Variants in CNTNAP5 observed in about 807,000 individuals in gnomAD.
The protein encoded by CNTNAP5 is contactin-associated protein-like 5.
CNTNAP5 carries 72 observed loss-of-function variants against 150.2 expected under a neutral mutation model. The observed-to-expected ratio is 0.48, with a 90% confidence interval of 0.40 to 0.58. The LOEUF is 0.58. Among genes scored for constraint, CNTNAP5 ranks in the 20% least tolerant of loss-of-function variants. CNTNAP5 has a pLI of 0.00. For synonymous variants in CNTNAP5, 672 were observed against 619.8 expected, an observed-to-expected ratio of 1.08 and a Z score of -1.25; for missense variants, 1,636 against 1,626.2, an observed-to-expected ratio of 1.01 and a Z score of -0.10.
At chr2:124,342,848 A>G (rs1255941885) in intron 3 of CNTNAP5, among the ~76,000 whole-genome samples, 1 of 152,086 alleles carries the variant, frequency 6.6e-6, no homozygotes, top group East Asian at 1.9e-4. Context: ...GTAAAAAATC[A>G]TGGTTTTTCA....
At chr2:124,327,232 G>C (rs1012294457) in intron 3 of CNTNAP5, among the ~76,000 whole-genome samples, 1 of 151,708 alleles carries the variant, frequency 6.6e-6, no homozygotes, top group African/African-American at 2.4e-5. Flanking sequence ...TGCCTGCCTC[G>C]GCCTCCCAAA....
intron 10 of CNTNAP5, among the ~76,000 whole-genome samples, chr2:124,532,708 G>A (rs1170782136): frequency 6.6e-6 from 1 of 152,172 alleles, no homozygotes; most frequent in African/African-American, 2.4e-5. Context: ...TCTGAGATGT[G>A]ACACACATTA....
chr2:124,196,900 C>G (rs1023317864), intron 1 of CNTNAP5, among the ~76,000 whole-genome samples: 8 of 152,286 alleles, frequency 5.3e-5, no homozygotes, highest in Admixed American at 5.2e-4. Context: ...TTGTCTTCTG[C>G]CTGCAAGGCA....
chr2:124,606,926 AAC>A (rs1677237053), intron 11 of CNTNAP5, among the ~76,000 whole-genome samples: 1 of 152,050 alleles, frequency 6.6e-6, no homozygotes, highest in African/African-American at 2.4e-5. Flanking sequence ...CCATATTAAA[AAC>A]TCATAAAAAA....
chr2:124,345,472 GA>G (rs1689716489), intron 3 of CNTNAP5, among the ~76,000 whole-genome samples: 3 of 152,110 alleles, frequency 2.0e-5, no homozygotes, highest in Non-Finnish European at 4.4e-5. Flanking sequence ...TAGTATGGGG[GA>G]GGAATTACAC....
intron 8 of CNTNAP5, among the ~76,000 whole-genome samples, chr2:124,522,018 G>A (rs1694857290): frequency 6.6e-6 from 1 of 152,140 alleles, no homozygotes; most frequent in African/African-American, 2.4e-5. Context: ...CAGTGATCTG[G>A]CTTGAGAGAT....
intron 1 of CNTNAP5, among the ~76,000 whole-genome samples, chr2:124,084,644 G>A (rs1348154827): frequency 2.6e-5 from 4 of 151,768 alleles, no homozygotes; most frequent in African/African-American, 9.7e-5. Context: ...ATATGTGTGT[G>A]TATATATACA....
intron 13 of CNTNAP5, among the ~76,000 whole-genome samples, chr2:124,701,482 A>G (rs950170285): frequency 1.3e-5 from 2 of 152,184 alleles, no homozygotes; most frequent in Non-Finnish European, 2.9e-5. Flanking sequence ...TGCTGCTGTA[A>G]GCATGGGAGA....
In CNTNAP5 at chr2:124,474,362, A is replaced by T. The variant is rs570927875; in HGVS notation, c.919-377A>T. Among the ~76,000 whole-genome samples, 4 of 152,124 alleles carry T rather than the reference A, an allele frequency of 2.6e-5. No homozygotes were observed. The South Asian group carries it at 6.2e-4, about 24-fold the overall frequency. On this transcript the variant is annotated intron_variant, in intron 6 of 23. Coordinates refer to ENST00000682447, the MANE Select transcript of CNTNAP5 (RefSeq NM_001367498.1). ...GGTTCTTCTGTAGCTGAATAGAGGT[A>T]TGTTTTGTTTGTCTCTTGGCTTTAG...
At chr2:124,490,790 G>A (rs988779891) in intron 7 of CNTNAP5, among the ~76,000 whole-genome samples, 20 of 151,780 alleles carry the variant, frequency 1.3e-4, no homozygotes, top group Admixed American at 1.3e-4. Flanking sequence ...AATACCGATT[G>A]TATATTTAAA....
In CNTNAP5 at chr2:124,916,983, C is replaced by T. The variant is rs956561295; in HGVS notation, c.*2695C>T. ...AATTTACAATTAGAAATCGTGCTAA[C>T]TCTGACTGTCTTTCCTCAGTGGTAC... On this transcript the variant is annotated 3_prime_UTR_variant, in exon 24 of 24. Transcript: ENST00000682447. 6.6e-6 allele frequency among the ~76,000 whole-genome samples: 1 copy of T among 152,050 alleles called. No homozygotes were observed. Among genetic ancestry groups the T allele is most frequent in the African/African-American group, 2.4e-5 (1 of 41,428 alleles).
chr2:124,359,038 T>C (rs1690112711), intron 3 of CNTNAP5, among the ~76,000 whole-genome samples: 1 of 150,728 alleles, frequency 6.6e-6, no homozygotes, highest in African/African-American at 2.4e-5. Flanking sequence ...CTTGGGAGAG[T>C]GTATGTGTCC....
At chr2:124,755,630 G>A (rs1680822455) in intron 14 of CNTNAP5, among the ~76,000 whole-genome samples, 1 of 152,104 alleles carries the variant, frequency 6.6e-6, no homozygotes, top group Admixed American at 6.6e-5. Flanking sequence ...CGTGGTCCAT[G>A]GCAATGCTCT....
chr2:124,629,925 A>C (rs1677811273), intron 12 of CNTNAP5, among the ~76,000 whole-genome samples: 1 of 130,748 alleles, frequency 7.6e-6, no homozygotes, highest in Admixed American at 7.8e-5. Context: ...AATACTATAA[A>C]CACCTCTATG....
chr2:124,194,176 T>C (rs1685522536), intron 1 of CNTNAP5, among the ~76,000 whole-genome samples: 1 of 151,582 alleles, frequency 6.6e-6, no homozygotes, highest in South Asian at 2.1e-4. Context: ...CCCTCCCCCA[T>C]TTATTTTCTC....
intron 1 of CNTNAP5, among the ~76,000 whole-genome samples, chr2:124,163,156 A>G (rs1053708842): frequency 3.9e-5 from 6 of 152,108 alleles, no homozygotes; most frequent in Admixed American, 2.6e-4. Flanking sequence ...TCATTTCGCA[A>G]TGGTGGAAAC....
intron 21 of CNTNAP5, among the ~76,000 whole-genome samples, chr2:124,899,965 A>C (rs1055119597): frequency 1.3e-5 from 2 of 150,910 alleles, no homozygotes; most frequent in Non-Finnish European, 2.9e-5. Flanking sequence ...ATTTTACTCT[A>C]TACAGGAGAT....
intron 12 of CNTNAP5, among the ~76,000 whole-genome samples, chr2:124,638,082 ATG>A (rs1262012338): frequency 8.0e-5 from 12 of 150,758 alleles, no homozygotes; most frequent in South Asian, 2.1e-4. Flanking sequence ...GTGTGCGTGT[ATG>A]TGTGTGTGTG....
chr2:124,371,651 G>A (rs1690529946), intron 3 of CNTNAP5, among the ~76,000 whole-genome samples: 1 of 152,224 alleles, frequency 6.6e-6, no homozygotes, highest in African/African-American at 2.4e-5. Context: ...TTAGAGAAAT[G>A]TTGTAGTAGC....
Sources: allele counts gnomAD v4.1 joint callset (sites outside exome capture counted in the v4.1 genomes callset), GRCh38; gene constraint gnomAD v4.1.1; transcripts MANE v1.5; gene names NCBI Gene and HGNC (gene_info 2026-07-23, HGNC 2026-07-21).